The following COL26A1 variants were observed in gnomAD, a reference collection of about 807,000 sequenced individuals.
COL26A1 encodes collagen alpha-1(XXVI) chain.
COL26A1 carries 41 observed loss-of-function variants against 59.3 expected under a neutral mutation model. That is an observed-to-expected ratio of 0.69 (90% confidence interval 0.54 to 0.90). COL26A1 has a LOEUF of 0.90. Ranked by LOEUF, COL26A1 falls within the 40% of genes least tolerant of loss-of-function variation. The pLI, the probability that COL26A1 is intolerant of heterozygous loss-of-function variation, is 0.00. For missense variants in COL26A1, 612 were observed against 602.3 expected, an observed-to-expected ratio of 1.02 and a Z score of -0.17; for synonymous variants, 266 against 256.0, an observed-to-expected ratio of 1.04 and a Z score of -0.37.
At position 101,413,377 on chromosome 7, in the gene COL26A1, G is replaced by C. The variant is rs141329002; in HGVS notation, c.159-6600G>C. 3.1e-3 allele frequency among the ~76,000 whole-genome samples: 470 copies of C among 152,156 alleles called. 5 individuals are homozygous for C. The highest frequency in any genetic ancestry group is 0.027 in the Admixed American group (410 of 15,256). On this transcript the variant is annotated intron_variant, in intron 1 of 12. Coordinates refer to ENST00000313669, the MANE Select transcript of COL26A1 (RefSeq NM_001278563.3). The stretch of plus-strand genomic sequence containing the variant: ...TACTAAAAATACAAAATATTAGCCG[G>C]GTATGGTGGCGGGTGACTGTAATCC...
At chr7:101,466,833 T>A (rs1403026493) in intron 3 of COL26A1, among the ~76,000 whole-genome samples, 4 of 111,660 alleles carry the variant, frequency 3.6e-5, no homozygotes, top group African/African-American at 8.2e-5. Flanking sequence ...TGTGTGTGTG[T>A]GTGTGAGAGA....
rs114152346 is a variant in COL26A1, at chr7:101,420,308, C to T, written c.281+209C>T. Among the ~76,000 whole-genome samples, 401 of 151,876 alleles carry T rather than the reference C, an allele frequency of 2.6e-3. 1 individual carries two copies. The highest frequency in any genetic ancestry group is 8.9e-3 in the African/African-American group (371 of 41,508). On this transcript the variant is annotated intron_variant, in intron 2 of 12. Transcript: ENST00000313669. ...AAAGATGTCAGAGACATGCTCCTAC[C>T]GCAACAGAACCACACAACCCAGTGG...
At chr7:101,440,309 GGA>G (rs1394182640) in intron 2 of COL26A1, among the ~76,000 whole-genome samples, 1 of 151,998 alleles carries the variant, frequency 6.6e-6, no homozygotes, top group Non-Finnish European at 1.5e-5. Context: ...AAGGCTGCAG[GGA>G]GCTGAGATCG....
At chr7:101,402,839 T>G (rs891354682) in intron 1 of COL26A1, among the ~76,000 whole-genome samples, 1 of 149,036 alleles carries the variant, frequency 6.7e-6, no homozygotes, top group Non-Finnish European at 1.5e-5. Context: ...TTTCTTTCTT[T>G]CCTCTATCTT....
At chr7:101,507,264 C>T (rs1203561529) in intron 3 of COL26A1, among the ~76,000 whole-genome samples, 1 of 152,146 alleles carries the variant, frequency 6.6e-6, no homozygotes, top group African/African-American at 2.4e-5. Flanking sequence ...AACACTACTC[C>T]GTCTAGCCAA....
At chr7:101,551,739 C>A (rs868569649) in intron 10 of COL26A1, among the ~76,000 whole-genome samples, 3 of 128,226 alleles carry the variant, frequency 2.3e-5, no homozygotes, top group Non-Finnish European at 3.3e-5. Context: ...GAGTGAGACT[C>A]CATCTCAAAA....
intron 4 of COL26A1, among the ~76,000 whole-genome samples, chr7:101,537,748 G>T (rs1298472412): frequency 1.3e-5 from 2 of 152,106 alleles, no homozygotes; most frequent in Non-Finnish European, 1.5e-5. Flanking sequence ...GCCTGTAGGA[G>T]GCCAAGGCGG....
intron 1 of COL26A1, among the ~76,000 whole-genome samples, chr7:101,382,905 G>A (rs1791479831): frequency 1.3e-5 from 2 of 152,146 alleles, no homozygotes; most frequent in East Asian, 1.9e-4. Flanking sequence ...AGCTGGGCGT[G>A]GTGATGTATG....
At chr7:101,466,795 G>GGTGTGTGTGTGT (rs59942660) in intron 3 of COL26A1, among the ~76,000 whole-genome samples, 2,552 of 125,074 alleles carry the variant, frequency 0.02, 61 homozygotes, top group East Asian at 0.071. Flanking sequence ...GGCATGTTCT[G>GGTGTGTGTGTGT]GTGTGTGTGT....
At chr7:101,463,895 T>C (rs1351506637) in intron 3 of COL26A1, among the ~76,000 whole-genome samples, 41 of 130,462 alleles carry the variant, frequency 3.1e-4, no homozygotes, top group Non-Finnish European at 5.2e-4. Flanking sequence ...CTTTCTTTCT[T>C]TCTTTCTTTT....
At chr7:101,541,440 G>A (rs966734844) in intron 5 of COL26A1, among the ~76,000 whole-genome samples, 1 of 151,850 alleles carries the variant, frequency 6.6e-6, no homozygotes, top group Non-Finnish European at 1.5e-5. Flanking sequence ...CATCTCCGAG[G>A]CTCAGGTGAT....
chr7:101,481,674 C>T (rs1794159808), intron 3 of COL26A1, among the ~76,000 whole-genome samples: 1 of 151,676 alleles, frequency 6.6e-6, no homozygotes. Flanking sequence ...TTGACTTGAC[C>T]TCCTGGCCTC....
intron 3 of COL26A1, among the ~76,000 whole-genome samples, chr7:101,515,626 A>G (rs58048826): frequency 0.19 from 27,589 of 144,554 alleles, 2,975 homozygotes; most frequent in African/African-American, 0.31. Context: ...TCTTTCTGTC[A>G]CCCAGGCTAG....
intron 1 of COL26A1, among the ~76,000 whole-genome samples, chr7:101,374,394 C>A (rs187917334): frequency 1.6e-4 from 24 of 152,254 alleles, no homozygotes; most frequent in Admixed American, 1.6e-3. Context: ...AGACAAGTAC[C>A]GGTTCAAGAC....
chr7:101,500,508 C>A (rs115095294), intron 3 of COL26A1, among the ~76,000 whole-genome samples: 1,798 of 152,330 alleles, frequency 0.012, 46 homozygotes, highest in African/African-American at 0.041. Flanking sequence ...TTGCTGTCTG[C>A]ATGGCCTGCA....
chr7:101,480,144 T>C (rs185623610), intron 3 of COL26A1, among the ~76,000 whole-genome samples: 1 of 152,260 alleles, frequency 6.6e-6, no homozygotes, highest in Non-Finnish European at 1.5e-5. Flanking sequence ...CCAGTGGAAG[T>C]TCTTTCAGAT....
chr7:101,447,950 C>T (rs569761572), intron 3 of COL26A1, among the ~76,000 whole-genome samples, 163 bp downstream of exon 3: 2 of 152,324 alleles, frequency 1.3e-5, no homozygotes, highest in South Asian at 2.1e-4. Context: ...ATCGGCCTGG[C>T]CAAACCAGGA....
chr7:101,370,514 G>C (rs1791166585), intron 1 of COL26A1, among the ~76,000 whole-genome samples: 1 of 152,040 alleles, frequency 6.6e-6, no homozygotes, highest in Non-Finnish European at 1.5e-5. Flanking sequence ...GGTATTACAG[G>C]CATGCACCAC....
intron 1 of COL26A1, among the ~76,000 whole-genome samples, chr7:101,375,824 A>G (rs935843036): frequency 1.3e-5 from 2 of 151,600 alleles, no homozygotes; most frequent in Non-Finnish European, 2.9e-5. Flanking sequence ...TGTCTCTACT[A>G]AAAATAAAAA....
Sources: gnomAD v4.1 joint callset for allele counts (sites outside exome capture counted in the v4.1 genomes callset) on GRCh38, gnomAD v4.1.1 for gene constraint, MANE v1.5 for transcripts, NCBI Gene and HGNC (gene_info 2026-07-23, HGNC 2026-07-21) for gene names.